Variants in PTPRN2 observed in about 807,000 individuals in gnomAD.
The protein encoded by PTPRN2 is receptor-type tyrosine-protein phosphatase N2.
In PTPRN2, 74 loss-of-function variants were observed where a neutral mutation model predicts 118.8. That is an observed-to-expected ratio of 0.62 (90% confidence interval 0.52 to 0.76). PTPRN2 has a LOEUF of 0.76. PTPRN2 is among the 30% of genes least tolerant of loss of function. The pLI, the probability that PTPRN2 is intolerant of heterozygous loss-of-function variation, is 0.00. For missense variants in PTPRN2, 1,481 were observed against 1,394.4 expected (o/e 1.06, Z -0.99); for synonymous variants, 641 against 608.0 (o/e 1.05, Z -0.80).
At chr7:158,257,223 G>A (rs146579720) in intron 3 of PTPRN2, among the ~76,000 whole-genome samples, 117 of 152,272 alleles carry the variant, frequency 7.7e-4, no homozygotes, top group East Asian at 3.7e-3. Context: ...CCGGGCACAC[G>A]GCTGCTCAGG....
In PTPRN2 at chr7:157,609,308, G is replaced by A. The variant is rs1430212259; in HGVS notation, c.2345-5233C>T. ...TGAGGCAGGAGAATTGCTTGAACCCGGGAGGCAGAGGTTGCAGTGAGCTGA... is the reference window on the plus strand; with the variant it reads ...TGAGGCAGGAGAATTGCTTGAACCCAGGAGGCAGAGGTTGCAGTGAGCTGA... On this transcript the variant is annotated intron_variant, in intron 15 of 22. Coordinates refer to ENST00000389418, the MANE Select transcript of PTPRN2 (RefSeq NM_002847.5). The surrounding 1 kb of genome is among the most constrained non-coding windows in gnomAD (Gnocchi z 4.9). Among the ~76,000 whole-genome samples the A allele has an allele frequency of 6.6e-6, 1 of 152,160 alleles. No individual in the cohort carries two copies. The highest frequency in any genetic ancestry group is 1.5e-5 in the Non-Finnish European group (1 of 68,030).
At position 157,583,830 on chromosome 7, in the gene PTPRN2, TGAG is replaced by T. The variant is rs760931589; in HGVS notation, c.2497-5693_2497-5691del. On this transcript the variant is annotated intron_variant, in intron 17 of 22. Transcript: ENST00000389418. This position sits in a 1 kb window ranked among gnomAD's most constrained non-coding sequence, Gnocchi z 5.5. ...CTGGAAGGCAGAGGTTGCAGTGAGCTGAGATCATGCCACTGCACGCCAGCCTGG... is the reference window on the plus strand; with the variant it reads ...CTGGAAGGCAGAGGTTGCAGTGAGCTATCATGCCACTGCACGCCAGCCTGG... Among the ~76,000 whole-genome samples the T allele has an allele frequency of 3.6e-4, 54 of 150,008 alleles. No homozygotes were observed. Among genetic ancestry groups the T allele is most frequent in the Non-Finnish European group, 7.1e-4 (48 of 67,744 alleles).
Position 157,651,001 on chromosome 7 carries a change from G to A in PTPRN2, c.2196+5356C>T, listed in dbSNP as rs553401569. Among the ~76,000 whole-genome samples, 14 of 152,352 alleles carry A rather than the reference G, an allele frequency of 9.2e-5. 1 individual carries two copies. The highest frequency in any genetic ancestry group is 2.6e-4 in the African/African-American group (11 of 41,588). On this transcript the variant is annotated intron_variant, in intron 14 of 22. Transcript: ENST00000389418. ...GGCCGAAGTTCAGAGGCCGTGAGCCGTGTGGGTCTGAGGAGGTCACAGCTT... is the reference window on the plus strand; with the variant it reads ...GGCCGAAGTTCAGAGGCCGTGAGCCATGTGGGTCTGAGGAGGTCACAGCTT...
intron 12 of PTPRN2, among the ~76,000 whole-genome samples, chr7:157,776,336 C>T (rs1803241993): frequency 8.3e-6 from 1 of 120,900 alleles, no homozygotes; most frequent in African/African-American, 4.6e-5. Context: ...TCCTCCATCT[C>T]CTCCTCCTCC....
intron 12 of PTPRN2, among the ~76,000 whole-genome samples, chr7:157,778,345 A>G (rs73744888): frequency 0.015 from 2,307 of 151,976 alleles, 58 homozygotes; most frequent in African/African-American, 0.052. Flanking sequence ...CGTACATGTG[A>G]TTACAGTTGT....
intron 11 of PTPRN2, among the ~76,000 whole-genome samples, chr7:157,900,405 A>G (rs1404102482): frequency 2.0e-5 from 3 of 152,184 alleles, no homozygotes; most frequent in African/African-American, 7.2e-5. Context: ...CATTCTCCAC[A>G]CTGTGCCCAG....
chr7:158,493,264 C>T (rs894247240), intron 1 of PTPRN2, among the ~76,000 whole-genome samples: 2 of 152,238 alleles, frequency 1.3e-5, no homozygotes, highest in African/African-American at 4.8e-5. Context: ...CAAGCATGTG[C>T]ACACATATAC....
intron 3 of PTPRN2, among the ~76,000 whole-genome samples, chr7:158,280,933 T>C (rs1799383977): frequency 1.3e-5 from 2 of 152,302 alleles, no homozygotes; most frequent in South Asian, 4.2e-4. Context: ...TACACGGTGC[T>C]CTGGAAACAT....
At chr7:157,971,360 G>C (rs1802316923) in intron 11 of PTPRN2, among the ~76,000 whole-genome samples, 1 of 152,188 alleles carries the variant, frequency 6.6e-6, no homozygotes, top group African/African-American at 2.4e-5. Flanking sequence ...AGGTGAGTCT[G>C]GGGATATTCC....
In PTPRN2 at chr7:157,787,249, C is replaced by T. The variant is rs537445678; in HGVS notation, c.1789-104312G>A. ...CCACTTGGATGCCACTTATGACCCC[C>T]GCGTGCCAGTGGATGCCCACAACCC... On this transcript the variant is annotated intron_variant, in intron 12 of 22. Coordinates refer to ENST00000389418, the MANE Select transcript of PTPRN2 (RefSeq NM_002847.5). The surrounding 1 kb of genome is among the most constrained non-coding windows in gnomAD (Gnocchi z 5.3). Among the ~76,000 whole-genome samples the T allele has an allele frequency of 6.6e-5, 10 of 152,266 alleles. No individual in the cohort carries two copies. The highest frequency in any genetic ancestry group is 2.4e-4 in the African/African-American group (10 of 41,576).
At chr7:158,160,516 A>G (rs1263447679) in intron 6 of PTPRN2, among the ~76,000 whole-genome samples, 1 of 152,204 alleles carries the variant, frequency 6.6e-6, no homozygotes, top group Non-Finnish European at 1.5e-5. Context: ...AAACACTGCA[A>G]CTTCCTCAAT....
intron 12 of PTPRN2, among the ~76,000 whole-genome samples, chr7:157,771,812 GAC>G (rs1178491415): frequency 2.7e-4 from 37 of 137,928 alleles, no homozygotes; most frequent in African/African-American, 1.1e-3. Flanking sequence ...CAAACACACA[GAC>G]ACAGACACAG....
intron 3 of PTPRN2, among the ~76,000 whole-genome samples, chr7:158,224,760 T>C (rs546487459): frequency 6.6e-6 from 1 of 152,306 alleles, no homozygotes; most frequent in Admixed American, 6.5e-5. Flanking sequence ...TTTTGCTCTG[T>C]GGAAAGGCCC....
intron 11 of PTPRN2, among the ~76,000 whole-genome samples, chr7:158,070,860 G>GTGGTGGTGGTGGTGCCCA (rs1563388235): frequency 1.9e-3 from 224 of 118,624 alleles, no homozygotes; most frequent in African/African-American, 8.0e-3. Context: ...GGAGGTGCCC[G>GTGGTGGTGGTGGTGCCCA]TGGTGGTGGT....
At chr7:157,556,899 T>C (rs562717187) in intron 21 of PTPRN2, among the ~76,000 whole-genome samples, 44 of 150,610 alleles carry the variant, frequency 2.9e-4, no homozygotes, top group African/African-American at 9.6e-4. Context: ...TACATATGCA[T>C]GCACACACAT....
intron 7 of PTPRN2, among the ~76,000 whole-genome samples, chr7:158,138,093 A>G (rs10434933): frequency 0.21 from 32,127 of 152,204 alleles, 3,756 homozygotes; most frequent in East Asian, 0.46. Flanking sequence ...GCCATTCAAC[A>G]TAATTGCTCT....
At chr7:157,984,847 C>A (rs935861843) in intron 11 of PTPRN2, among the ~76,000 whole-genome samples, 1 of 152,222 alleles carries the variant, frequency 6.6e-6, no homozygotes, top group Non-Finnish European at 1.5e-5. Context: ...CCCCTGACTT[C>A]TGCACTAGGC....
chr7:157,795,868 C>T (rs758348983), intron 12 of PTPRN2, among the ~76,000 whole-genome samples: 9 of 152,288 alleles, frequency 5.9e-5, no homozygotes, highest in East Asian at 1.9e-4. Flanking sequence ...ACCTGCCTGA[C>T]GGAGGGAGCC....
At chr7:157,870,128 C>T (rs1034370666) in intron 12 of PTPRN2, among the ~76,000 whole-genome samples, 1 of 152,176 alleles carries the variant, frequency 6.6e-6, no homozygotes, top group African/African-American at 2.4e-5. Flanking sequence ...GGCTGCAGCT[C>T]ATCTGGGTGC....
Sources: gnomAD v4.1 joint callset for allele counts (sites outside exome capture counted in the v4.1 genomes callset) on GRCh38, gnomAD v4.1.1 for gene constraint, Gnocchi (gnomAD v3.1) non-coding constraint, MANE v1.5 for transcripts, NCBI Gene and HGNC (gene_info 2026-07-23, HGNC 2026-07-21) for gene names.